Variants in PPP4R2 observed in about 807,000 individuals in gnomAD.
PPP4R2 encodes the protein protein phosphatase 4 regulatory subunit 2, also known as serine/threonine-protein phosphatase 4 regulatory subunit 2.
A neutral mutation model predicts 47.2 loss-of-function variants in PPP4R2; 13 were observed. The observed-to-expected ratio is 0.28, with a 90% confidence interval of 0.18 to 0.44. The LOEUF is 0.44. PPP4R2 is among the 20% of genes least tolerant of loss of function. The pLI is 1.00. For missense variants in PPP4R2, 421 were observed against 491.2 expected, an observed-to-expected ratio of 0.86 and a Z score of 1.35; for synonymous variants, 151 against 163.3, an observed-to-expected ratio of 0.92 and a Z score of 0.57.
At chr3:73,056,016 T>C (rs1531965) in intron 3 of PPP4R2, among the ~76,000 whole-genome samples, 81,338 of 152,092 alleles carry the variant, frequency 0.53, 22,102 homozygotes, top group African/African-American at 0.62. Flanking sequence ...GTGGCATGTG[T>C]GTTTAACGCT....
chr3:73,005,172 A>G (rs1180270934), intron 2 of PPP4R2, among the ~76,000 whole-genome samples: 3 of 151,830 alleles, frequency 2.0e-5, no homozygotes, highest in Non-Finnish European at 4.4e-5. Flanking sequence ...CAAACTCTTG[A>G]CCTCGTGATC....
intron 3 of PPP4R2, among the ~76,000 whole-genome samples, chr3:73,049,541 C>T (rs1702567109): frequency 6.6e-6 from 1 of 151,852 alleles, no homozygotes; most frequent in Non-Finnish European, 1.5e-5. Context: ...ATAAATTGTA[C>T]ATATATATAA....
At chr3:73,010,017 T>C (rs1701689724) in intron 2 of PPP4R2, among the ~76,000 whole-genome samples, 1 of 152,192 alleles carries the variant, frequency 6.6e-6, no homozygotes, top group African/African-American at 2.4e-5. Context: ...ATCGGATACC[T>C]TGGGTAACCT....
intron 2 of PPP4R2, among the ~76,000 whole-genome samples, chr3:73,039,921 G>A (rs1397403841): frequency 2.0e-5 from 3 of 152,318 alleles, no homozygotes; most frequent in South Asian, 4.1e-4. Flanking sequence ...AGGCATGGTG[G>A]CAGGTGCCTG....
chr3:73,061,328 T>C (rs1702854124), intron 5 of PPP4R2: 2 of 200,018 alleles, frequency 1.0e-5, no homozygotes, highest in Non-Finnish European at 2.0e-5. Flanking sequence ...GTGGTGGCAC[T>C]CATTGCCCTG....
intron 4 of PPP4R2, 56 bp from the exon 5 acceptor site, chr3:73,060,967 A>C: frequency 8.0e-7 from 1 of 1,245,936 alleles, no homozygotes; most frequent in Non-Finnish European, 1.1e-6. Context: ...AAAATGATGA[A>C]ACTTTATGTT....
At chr3:73,001,621 C>T (rs1427648280) in intron 2 of PPP4R2, among the ~76,000 whole-genome samples, 1 of 152,034 alleles carries the variant, frequency 6.6e-6, no homozygotes, top group Non-Finnish European at 1.5e-5. Flanking sequence ...ACCATCTTTA[C>T]CATTTTAGTT....
chr3:73,064,779 T>G (rs1481811880), intron 7 of PPP4R2, 73 bp from the exon 8 acceptor site: 1 of 1,292,772 alleles, frequency 7.7e-7, no homozygotes. Context: ...AAACATTATT[T>G]AACCTTAAAA....
At chr3:73,020,542 T>C (rs1236225001) in intron 2 of PPP4R2, among the ~76,000 whole-genome samples, 1 of 151,560 alleles carries the variant, frequency 6.6e-6, no homozygotes, top group Non-Finnish European at 1.5e-5. Flanking sequence ...TGGTGGTGTG[T>C]GCCTGTAGTC....
intron 2 of PPP4R2, among the ~76,000 whole-genome samples, chr3:73,020,296 T>G (rs1701932020): frequency 6.6e-6 from 1 of 152,232 alleles, no homozygotes; most frequent in African/African-American, 2.4e-5. Context: ...CAAGCAGTCC[T>G]CCTGTCCTCA....
At chr3:73,052,377 A>G (rs1257700074) in intron 3 of PPP4R2, among the ~76,000 whole-genome samples, 2 of 152,222 alleles carry the variant, frequency 1.3e-5, no homozygotes, top group East Asian at 3.9e-4. Flanking sequence ...AAAAATTAAA[A>G]TGAACGAAAC....
At chr3:73,006,841 A>T (rs1382517233) in intron 2 of PPP4R2, among the ~76,000 whole-genome samples, 1 of 152,110 alleles carries the variant, frequency 6.6e-6, no homozygotes, top group Non-Finnish European at 1.5e-5. Context: ...CTATTTTATG[A>T]TTCTCCTGTT....
intron 7 of PPP4R2, among the ~76,000 whole-genome samples, chr3:73,064,588 T>C (rs1702946045): frequency 6.6e-6 from 1 of 152,180 alleles, no homozygotes; most frequent in Non-Finnish European, 1.5e-5. Flanking sequence ...TATGGAAGAC[T>C]TGCGGGTTTA....
Position 72,997,881 on chromosome 3 carries a change from AT to A in PPP4R2, c.35-194del, listed in dbSNP as rs1376694091. ...GAAGTTGAGTGCCCCCTTTAGGAGG[AT>A]TCTTGTTATCTGTAAAGAGGGTGAC... On this transcript the variant is annotated intron_variant, in intron 1 of 8. Coordinates refer to ENST00000356692, the MANE Select transcript of PPP4R2 (RefSeq NM_174907.4). Among the ~76,000 whole-genome samples, 4 of 152,150 alleles carry A rather than the reference AT, an allele frequency of 2.6e-5. No homozygotes were observed. The East Asian group carries it at 7.7e-4, about 29-fold the overall frequency.
chr3:73,060,903 C>T, intron 4 of PPP4R2, 120 bp from the exon 5 acceptor site: 2 of 572,962 alleles, frequency 3.5e-6, no homozygotes, highest in South Asian at 2.9e-5. Context: ...TTTTCCTTTA[C>T]TAGCAAAATT....
At chr3:73,061,333 G>A (rs1407229493) in intron 5 of PPP4R2, 4 of 193,656 alleles carry the variant, frequency 2.1e-5, no homozygotes, top group Non-Finnish European at 4.1e-5. Flanking sequence ...GGCACTCATT[G>A]CCCTGAGATG....
At chr3:73,014,752 G>C (rs1701788724) in intron 2 of PPP4R2, among the ~76,000 whole-genome samples, 1 of 152,000 alleles carries the variant, frequency 6.6e-6, no homozygotes, top group East Asian at 1.9e-4. Flanking sequence ...TCCTTTTTCA[G>C]ATTTTTTGGC....
chr3:73,029,372 T>C (rs1266920675), intron 2 of PPP4R2, among the ~76,000 whole-genome samples: 3 of 152,338 alleles, frequency 2.0e-5, no homozygotes, highest in South Asian at 4.1e-4. Flanking sequence ...GAAATCAGGC[T>C]AAGAGATGTT....
At chr3:73,031,367 C>G (rs923148863) in intron 2 of PPP4R2, among the ~76,000 whole-genome samples, 2 of 152,016 alleles carry the variant, frequency 1.3e-5, no homozygotes, top group Non-Finnish European at 2.9e-5. Context: ...TGGTGAAACC[C>G]TGTCTCTGCT....
Sources: gnomAD v4.1 joint callset for allele counts (sites outside exome capture counted in the v4.1 genomes callset) on GRCh38, gnomAD v4.1.1 for gene constraint, MANE v1.5 for transcripts, NCBI Gene and HGNC (gene_info 2026-07-23, HGNC 2026-07-21) for gene names.